Variants in CARD14 observed in about 807,000 individuals in gnomAD.
CARD14 encodes the protein caspase recruitment domain-containing protein 14.
In CARD14, 107 loss-of-function variants were observed where a neutral mutation model predicts 111.5. The ratio of observed to expected loss-of-function variants is 0.96; its 90% confidence interval spans 0.82 to 1.13. The LOEUF is 1.13. Among genes scored for constraint, CARD14 ranks in the 50% most tolerant of loss-of-function variants. The pLI is 0.00. For synonymous variants in CARD14, 617 were observed against 579.6 expected, an observed-to-expected ratio of 1.06 and a Z score of -0.93; for missense variants, 1,322 against 1,362.3, an observed-to-expected ratio of 0.97 and a Z score of 0.47.
chr17:80,188,232 C>A lies in CARD14; in HGVS notation c.676-145C>A. On this transcript the variant is annotated intron_variant, in intron 7 of 23. Transcript: ENST00000648509. The surrounding 1 kb of genome is among the most constrained non-coding windows in gnomAD (Gnocchi z 4.5). ...ATTTGGGACTATTCATTAGGTGAACCCTTTCGTGGGTTTTTCAGTCTCGAG... is the reference window on the plus strand; with the variant it reads ...ATTTGGGACTATTCATTAGGTGAACACTTTCGTGGGTTTTTCAGTCTCGAG... The A allele has an allele frequency of 1.2e-6, 1 of 802,410 alleles. No individual in the cohort carries two copies. The highest frequency in any genetic ancestry group is 1.8e-6 in the Non-Finnish European group (1 of 546,214). The allele number at this position is 802,410 out of a possible 1,614,324, so 49.7% of individuals were successfully genotyped here. A position where few individuals can be genotyped will look rare whatever the true frequency, so the allele number is the denominator to read the frequency against.
intron 22 of CARD14, chr17:80,206,056 G>A (rs1022514369): frequency 3.0e-5 from 5 of 168,404 alleles, no homozygotes; most frequent in Admixed American, 5.7e-5. Flanking sequence ...AGGGGCTGGC[G>A]GAGCTCCATG....
Position 80,188,267 on chromosome 17 carries a change from C to A in CARD14, c.676-110C>A. 1 of 1,146,942 alleles carries A rather than the reference C, an allele frequency of 8.7e-7. No homozygotes were observed. The highest frequency in any genetic ancestry group is 1.2e-6 in the Non-Finnish European group (1 of 849,370). The allele number at this position is 1,146,942 out of a possible 1,614,324, so 71.0% of individuals were successfully genotyped here. The stretch of plus-strand genomic sequence containing the variant: ...GTTTTTCAGTCTCGAGGCAGGAAGC[C>A]CCCTGAGTGCTAAAAGCATCATTAG... On this transcript the variant is annotated intron_variant, in intron 7 of 23. Coordinates refer to ENST00000648509, the MANE Select transcript of CARD14 (RefSeq NM_001366385.1). The surrounding 1 kb of genome is among the most constrained non-coding windows in gnomAD (Gnocchi z 4.5).
At chr17:80,183,782 A>C in intron 6 of CARD14, 131 bp from the exon 7 acceptor site, 2 of 610,494 alleles carry the variant, frequency 3.3e-6, no homozygotes, top group Middle Eastern at 4.0e-4. Context: ...TCACCCGCCC[A>C]CATGCTCACC....
At position 80,203,972 on chromosome 17, in the gene CARD14, G is replaced by A. The variant is rs1598705517; in HGVS notation, c.2283+87G>A. 2 of 1,126,576 alleles carry A rather than the reference G, an allele frequency of 1.8e-6. No individual in the cohort carries two copies. Among genetic ancestry groups the A allele is most frequent in the Admixed American group, 2.3e-5 (1 of 43,412 alleles). The allele number at this position is 1,126,576 out of a possible 1,614,324, so 69.8% of individuals were successfully genotyped here. A position where few individuals can be genotyped will look rare whatever the true frequency, so the allele number is the denominator to read the frequency against. On this transcript the variant is annotated intron_variant, in intron 19 of 23. Coordinates refer to ENST00000648509, the MANE Select transcript of CARD14 (RefSeq NM_001366385.1). The surrounding 1 kb of genome is among the most constrained non-coding windows in gnomAD (Gnocchi z 4.6). ...GGCAGGGTGGCAGGAGGCACTGTGT[G>A]GAGAGTGGGCTGCTGATTGGAGGGT...
chr17:80,204,932 G>T (rs1239400981), intron 20 of CARD14, 103 bp from the exon 21 acceptor site: 2 of 961,380 alleles, frequency 2.1e-6, no homozygotes, highest in Non-Finnish European at 3.0e-6. Context: ...TAGGTGCTGG[G>T]GCTGCTGCAG....
In CARD14 at chr17:80,194,989, T is replaced by C. The variant is rs150943769; in HGVS notation, c.1357-202T>C. Reference sequence around the variant, plus strand: ...CCTGACATACAGCATGTGTCAGTGCTGTGTGCTAATTGCATGTGACCCCAG... The same window carrying C: ...CCTGACATACAGCATGTGTCAGTGCCGTGTGCTAATTGCATGTGACCCCAG... On this transcript the variant is annotated intron_variant, in intron 12 of 23. Transcript: ENST00000648509. Among the ~76,000 whole-genome samples the C allele has an allele frequency of 7.9e-3, 1,197 of 152,314 alleles. 8 individuals carry two copies. The highest frequency in any genetic ancestry group is 0.012 in the Non-Finnish European group (841 of 68,020).
At chr17:80,207,149 C>A in intron 23 of CARD14, 64 bp downstream of exon 23, 1 of 1,159,428 alleles carries the variant, frequency 8.6e-7, no homozygotes. Flanking sequence ...CCAAAGCCCA[C>A]GGCAGGTGCC....
Position 80,203,830 on chromosome 17 carries a change from A to G in CARD14, c.2228A>G (p.Gln743Arg), listed in dbSNP as rs760131784. ...TCTGCTGGTCTCTGCAGGGCTCAGC[A>G]GCAGCTCATAGCCCTCATCCAGGAC... Reference protein sequence around the residue: ...GTIPNYSRAQQQLIALIQDMT... With the variant: ...GTIPNYSRAQRQLIALIQDMT... The change falls in exon 19 of 24, where the codon CAG (glutamine) becomes CGG (arginine). Residue 743 changes from glutamine (Q) to arginine (R), a missense_variant. Physicochemically the swap from Gln to Arg is conservative, Grantham distance 43. Coordinates refer to ENST00000648509, the MANE Select transcript of CARD14 (RefSeq NM_001366385.1). The surrounding 1 kb of genome is among the most constrained non-coding windows in gnomAD (Gnocchi z 4.6). The G allele has an allele frequency of 3.8e-6, 6 of 1,580,434 alleles. No individual in the cohort carries two copies. The Admixed American group carries it at 5.5e-5, about 15-fold the overall frequency.
chr17:80,208,450 CAT>C lies in CARD14; in HGVS notation c.*106_*107del, dbSNP rs2041477084. ...TGGCACAGCTGTGGGCTCCTTGGCACATGAGGCCGGCTCTCCCCACTGGCTGG... is the reference window on the plus strand; with the variant it reads ...TGGCACAGCTGTGGGCTCCTTGGCACGAGGCCGGCTCTCCCCACTGGCTGG... On this transcript the variant is annotated 3_prime_UTR_variant, in exon 24 of 24. Coordinates refer to ENST00000648509, the MANE Select transcript of CARD14 (RefSeq NM_001366385.1). 9.2e-6 allele frequency: 10 copies of C among 1,089,110 alleles called. No homozygotes were observed. The highest frequency in any genetic ancestry group is 1.3e-5 in the Non-Finnish European group (10 of 780,998). The allele number at this position is 1,089,110 out of a possible 1,614,324, so 67.5% of individuals were successfully genotyped here.
intron 12 of CARD14, among the ~76,000 whole-genome samples, chr17:80,193,081 A>G (rs370260692): frequency 1.3e-5 from 2 of 152,282 alleles, no homozygotes; most frequent in East Asian, 3.9e-4. Flanking sequence ...TCAGAGGTTG[A>G]TTCTGTCACA....
intron 23 of CARD14, 93 bp downstream of exon 23, chr17:80,207,178 G>A: frequency 4.7e-6 from 4 of 849,968 alleles, no homozygotes; most frequent in Non-Finnish European, 7.4e-6. Context: ...GTGCTCTGCG[G>A]TTTGCAGGAA....
Position 80,208,615 on chromosome 17 carries a change from C to T in CARD14, c.*270C>T, listed in dbSNP as rs1397770365. On this transcript the variant is annotated 3_prime_UTR_variant, in exon 24 of 24. Transcript: ENST00000648509. ...ACTGGAAACCCTGAGAATGTTTCTG[C>T]AGTGGGACAGGAGGGACGTCTTCCC... 1.9e-5 allele frequency: 8 copies of T among 421,792 alleles called. No individual in the cohort carries two copies. The East Asian group carries it at 3.0e-4, about 16-fold the overall frequency. The allele number at this position is 421,792 out of a possible 1,614,324, so 26.1% of individuals were successfully genotyped here. A position where few individuals can be genotyped will look rare whatever the true frequency, so the allele number is the denominator to read the frequency against.
rs1432361313 is a variant in CARD14, at chr17:80,191,562, G to A, written c.1239+90G>A. The A allele has an allele frequency of 4.1e-5, 61 of 1,503,658 alleles. No individual in the cohort carries two copies. The East Asian group carries it at 1.4e-3, about 34-fold the overall frequency. 93.1% of individuals were successfully genotyped at this position (1,503,658 alleles called of 1,614,324 possible). Reference sequence around the variant, plus strand: ...CTGGGCTCCAGGGTGGCCCATGGAGGCACTGGGAGGACAGGCAGGGTCCCA... The same window carrying A: ...CTGGGCTCCAGGGTGGCCCATGGAGACACTGGGAGGACAGGCAGGGTCCCA... On this transcript the variant is annotated intron_variant, in intron 11 of 23. Transcript: ENST00000648509.
rs1291717908 is a variant in CARD14, at chr17:80,188,177, A to G, written c.676-200A>G. ...GCCTCATCTATAAGACAGAGCTGAA[A>G]GGCCTCTGTCCTCCCAGCCCCAGTT... On this transcript the variant is annotated intron_variant, in intron 7 of 23. Coordinates refer to ENST00000648509, the MANE Select transcript of CARD14 (RefSeq NM_001366385.1). This position sits in a 1 kb window ranked among gnomAD's most constrained non-coding sequence, Gnocchi z 4.5. 5.5e-6 allele frequency: 3 copies of G among 546,126 alleles called. No individual in the cohort carries two copies. The highest frequency in any genetic ancestry group is 8.5e-6 in the Non-Finnish European group (3 of 351,248). 33.8% of individuals were successfully genotyped at this position (546,126 alleles called of 1,614,324 possible).
At chr17:80,204,978 T>C in intron 20 of CARD14, 57 bp from the exon 21 acceptor site, 1 of 1,439,540 alleles carries the variant, frequency 6.9e-7, no homozygotes, top group South Asian at 1.4e-5. Context: ...CGGGGCAGGG[T>C]AGGCTGGCTG....
At chr17:80,176,207 A>T (rs2040022892) in intron 2 of CARD14, among the ~76,000 whole-genome samples, 1 of 149,516 alleles carries the variant, frequency 6.7e-6, no homozygotes, top group South Asian at 2.1e-4. Flanking sequence ...AGGGGGGAGG[A>T]TCACTTGAGC....
In CARD14 at chr17:80,190,913, C is replaced by T. The variant is rs112731096; in HGVS notation, c.1089+14C>T. ...GAGCGAGACCAGGTACCTGAGAGGCCGGGCCCACCCCGCCACCCCATGCTT... is the reference window on the plus strand; with the variant it reads ...GAGCGAGACCAGGTACCTGAGAGGCTGGGCCCACCCCGCCACCCCATGCTT... On this transcript the variant is annotated intron_variant, in intron 10 of 23. Coordinates refer to ENST00000648509, the MANE Select transcript of CARD14 (RefSeq NM_001366385.1). 1.6e-5 allele frequency: 25 copies of T among 1,611,746 alleles called. No homozygotes were observed. Among genetic ancestry groups the T allele is most frequent in the East Asian group, 4.5e-5 (2 of 44,860 alleles).
At chr17:80,176,256 C>T (rs1598624835) in intron 2 of CARD14, among the ~76,000 whole-genome samples, 1 of 150,140 alleles carries the variant, frequency 6.7e-6, no homozygotes, top group South Asian at 2.1e-4. Context: ...ATAGTGAGAC[C>T]CCCTTCTTTA....
At chr17:80,181,672 C>T in intron 5 of CARD14, 23 bp downstream of exon 5, 1 of 1,525,498 alleles carries the variant, frequency 6.6e-7, no homozygotes, top group Non-Finnish European at 8.8e-7. Context: ...CCCTCTTCCC[C>T]ACCTCTTCCA....
Sources: gnomAD v4.1 joint callset for allele counts (sites outside exome capture counted in the v4.1 genomes callset) on GRCh38, gnomAD v4.1.1 for gene constraint, Gnocchi (gnomAD v3.1) non-coding constraint, MANE v1.5 for transcripts, NCBI Gene and HGNC (gene_info 2026-07-23, HGNC 2026-07-21) for gene names.